Variants in USP36 observed in about 807,000 individuals in gnomAD.
USP36 encodes the protein ubiquitin specific peptidase 36, also known as ubiquitin carboxyl-terminal hydrolase 36.
In USP36, 59 loss-of-function variants were observed where a neutral mutation model predicts 111.5. That is an observed-to-expected ratio of 0.53 (90% CI 0.43 to 0.66). The LOEUF (loss-of-function observed/expected upper bound fraction) is 0.66. Among genes scored for constraint, USP36 ranks in the 30% least tolerant of loss-of-function variants. The pLI, the probability that USP36 is intolerant of heterozygous loss-of-function variation, is 0.00. For missense variants in USP36, 1,488 were observed against 1,468.0 expected, an observed-to-expected ratio of 1.01 and a Z score of -0.22; for synonymous variants, 628 against 581.0, an observed-to-expected ratio of 1.08 and a Z score of -1.16.
intron 3 of USP36, among the ~76,000 whole-genome samples, chr17:78,789,582 T>C (rs187305159): frequency 5.3e-5 from 8 of 152,180 alleles, no homozygotes; most frequent in Admixed American, 1.3e-4. Context: ...CAGGCTTGGA[T>C]TGGGGCATTG....
downstream of USP36, among the ~76,000 whole-genome samples, chr17:78,793,670 G>A (rs2093601232): frequency 1.3e-5 from 2 of 152,084 alleles, no homozygotes; most frequent in Non-Finnish European, 2.9e-5. Context: ...CATCCTCATT[G>A]CGCTGAGGTT....
chr17:78,822,565 T>C (rs936739510), intron 6 of USP36, among the ~76,000 whole-genome samples: 1 of 152,044 alleles, frequency 6.6e-6, no homozygotes, highest in African/African-American at 2.4e-5. Context: ...GGCTTCGGGG[T>C]CAGGAGCCCT....
At position 78,803,701 on chromosome 17, in the gene USP36, G is replaced by A; in HGVS notation, c.2494C>T (p.His832Tyr). 6.2e-7 allele frequency: 1 copy of A among 1,611,760 alleles called. No homozygotes were observed. The highest frequency in any genetic ancestry group is 8.5e-7 in the Non-Finnish European group (1 of 1,179,888). The change falls in exon 16 of 21, where the codon CAC (histidine) becomes TAC (tyrosine). Residue 832 changes from histidine to tyrosine, a missense_variant. His to Tyr is a moderately conservative substitution (Grantham distance 83). Around this residue, in one of 3 missense-constraint regions of USP36, gnomAD observed 1,073 missense variants for 994.1 expected, o/e 1.08. Coordinates refer to ENST00000449938, the MANE Select transcript of USP36 (RefSeq NM_001385174.1). The surrounding 1 kb of genome is among the most constrained non-coding windows in gnomAD (Gnocchi z 4.6). ...GGAGCCGCAGTGGCCTCCCTGATGT[G>A]CTGTGGGAGGCGCGTCTCTGAGCCC... ...RLGSETRLPQ[H>Y]IREATAAPHG...
rs530147443 is a variant in USP36, at chr17:78,797,681, T to C, written c.*219A>G. Reference sequence around the variant, plus strand: ...GCTCACACACACACTGTCGTTTCTCTTGCAGGGCTGGTCGGGAATGTCACC... The same window carrying C: ...GCTCACACACACACTGTCGTTTCTCCTGCAGGGCTGGTCGGGAATGTCACC... On this transcript the variant is annotated 3_prime_UTR_variant, in exon 21 of 21. Coordinates refer to ENST00000449938, the MANE Select transcript of USP36 (RefSeq NM_001385174.1). The C allele has an allele frequency of 3.3e-5, 5 of 152,436 alleles. No homozygotes were observed. The highest frequency in any genetic ancestry group is 2.6e-4 in the Admixed American group (4 of 15,304). 9.4% of individuals were successfully genotyped at this position (152,436 alleles called of 1,614,324 possible).
rs771827935 is a variant in USP36, at chr17:78,807,124, A to G, written c.1920T>C (p.Ser640=). The G allele has an allele frequency of 6.2e-7, 1 of 1,614,156 alleles. No homozygotes were observed. Among genetic ancestry groups the G allele is most frequent in the Non-Finnish European group, 8.5e-7 (1 of 1,180,022 alleles). ...CAGCGGTGGAACAGTTCGTTTCCTG[A>G]GAATCGCAGAGATGGGCCGCTCCAC... is the stretch of plus-strand genomic sequence containing the variant. ...PRSGAAHLCD[S]QETNCSTAGH... is the part of the protein sequence containing the mutation. The change falls in exon 14 of 21, where the codon TCT becomes TCC. Residue 640 remains serine (S), a synonymous_variant. Transcript: ENST00000449938.
Position 78,814,468 on chromosome 17 carries a change from C to G in USP36, c.1108G>C (p.Val370Leu). 6.2e-7 allele frequency: 1 copy of G among 1,614,168 alleles called. No homozygotes were observed. Among genetic ancestry groups the G allele is most frequent in the Non-Finnish European group, 8.5e-7 (1 of 1,180,020 alleles). ...CAGCTGTAGCCCGAGTGCACCAGGA[C>G]AGCATAGAGTCCATACATGACAGGA... ...GDPVMYGLYA[V>L]LVHSGYSCHA... The change falls in exon 11 of 21, where the codon GTC (valine) becomes CTC (leucine). Residue 370 changes from valine to leucine, a missense_variant. Transcript: ENST00000449938.
At chr17:78,823,849 G>A (rs2094388608) in intron 6 of USP36, among the ~76,000 whole-genome samples, 10 of 152,200 alleles carry the variant, frequency 6.6e-5, no homozygotes, top group Admixed American at 6.5e-4. Flanking sequence ...GCACTGCACG[G>A]GGCAGACAGA....
chr17:78,813,895 C>T, intron 11 of USP36, 22 bp from the exon 12 acceptor site: 2 of 1,606,152 alleles, frequency 1.2e-6, no homozygotes, highest in Non-Finnish European at 1.7e-6. Flanking sequence ...AAGGATGTTG[C>T]AGAAAACAAA....
downstream of USP36, among the ~76,000 whole-genome samples, chr17:78,793,658 C>G (rs1156589706): frequency 6.6e-6 from 1 of 152,148 alleles, no homozygotes; most frequent in Non-Finnish European, 1.5e-5. Context: ...TTGGCGTACC[C>G]ACATCCTCAT....
rs2094315286 is a variant in USP36, at chr17:78,821,385, A to C, written c.758-324T>G. ...CACGCGTGCACGGCACTTCCTAATG[A>C]GAATATATATATATATATATATATA... On this transcript the variant is annotated intron_variant, in intron 7 of 20. Coordinates refer to ENST00000449938, the MANE Select transcript of USP36 (RefSeq NM_001385174.1). 3 of 110,640 alleles carry C rather than the reference A, an allele frequency of 2.7e-5. No individual in the cohort carries two copies. The South Asian group carries it at 4.2e-4, about 15-fold the overall frequency. The allele number at this position is 110,640 out of a possible 1,614,324, so 6.9% of individuals were successfully genotyped here.
chr17:78,805,771 C>T (rs998016105), intron 15 of USP36, among the ~76,000 whole-genome samples: 1 of 152,210 alleles, frequency 6.6e-6, no homozygotes, highest in Non-Finnish European at 1.5e-5. Flanking sequence ...GGACTCCGAG[C>T]TCACTCAAGC....
At chr17:78,821,794 G>A (rs956035526) in intron 7 of USP36, 143 bp downstream of exon 7, 14 of 907,914 alleles carry the variant, frequency 1.5e-5, no homozygotes, top group Admixed American at 1.3e-4. Flanking sequence ...GAGTCTCAGA[G>A]GAAACCATGG....
chr17:78,793,668 T>C (rs571101694), downstream of USP36, among the ~76,000 whole-genome samples: 11 of 152,198 alleles, frequency 7.2e-5, no homozygotes, highest in Middle Eastern at 3.4e-3. Context: ...CACATCCTCA[T>C]TGCGCTGAGG....
At chr17:78,832,941 G>T (rs546684278) in intron 4 of USP36, among the ~76,000 whole-genome samples, 2 of 152,220 alleles carry the variant, frequency 1.3e-5, no homozygotes, top group South Asian at 4.2e-4. Context: ...CTGAGGTCGA[G>T]AGTTCAAGAC....
intron 4 of USP36, among the ~76,000 whole-genome samples, chr17:78,834,997 G>GTGTATATATATATA (rs968867639): frequency 3.5e-5 from 5 of 141,438 alleles, no homozygotes; most frequent in African/African-American, 1.1e-4. Context: ...AATAATATTT[G>GTGTATATATATATA]TATATATATA....
intron 4 of USP36, among the ~76,000 whole-genome samples, chr17:78,830,080 T>C (rs2067949574): frequency 1.3e-5 from 2 of 152,172 alleles, no homozygotes; most frequent in African/African-American, 4.8e-5. Context: ...ATGATGTAAA[T>C]AAACACTGCT....
chr17:78,838,132 C>T (rs1052124130), intron 2 of USP36, among the ~76,000 whole-genome samples: 12 of 151,518 alleles, frequency 7.9e-5, no homozygotes, highest in African/African-American at 2.7e-4. Context: ...CCTGTAATCC[C>T]AGCACTTGGG....
At chr17:78,793,832 G>A (rs1422343291), downstream of USP36, among the ~76,000 whole-genome samples, 1 of 152,068 alleles carries the variant, frequency 6.6e-6, no homozygotes, top group Non-Finnish European at 1.5e-5. Flanking sequence ...AGACACCTGG[G>A]CTTTTTCCTA....
chr17:78,812,714 A>AAAAG, intron 13 of USP36, 146 bp downstream of exon 13: 1 of 868,762 alleles, frequency 1.2e-6, no homozygotes, highest in Non-Finnish European at 1.6e-6. Context: ...AAAAAAAAAA[A>AAAAG]AAAAGAAAAG....
Sources: gnomAD v4.1 joint callset for allele counts (sites outside exome capture counted in the v4.1 genomes callset) on GRCh38, gnomAD v4.1.1 for gene constraint, gnomAD v4.1.1 regional missense constraint, Gnocchi (gnomAD v3.1) non-coding constraint, MANE v1.5 for transcripts, NCBI Gene and HGNC (gene_info 2026-07-23, HGNC 2026-07-21) for gene names.